The following ATP2B1 variants were observed in gnomAD, a reference collection of about 807,000 sequenced individuals.
ATP2B1 encodes the protein ATPase plasma membrane Ca2+ transporting 1, also known as plasma membrane calcium-transporting ATPase 1.
ATP2B1 carries 14 observed loss-of-function variants against 124.2 expected under a neutral mutation model. That is an observed-to-expected ratio of 0.11 (90% CI 0.07 to 0.18). The LOEUF (loss-of-function observed/expected upper bound fraction) is 0.18, where lower values mean the gene tolerates loss of function less well. Ranked by LOEUF, ATP2B1 falls within the 10% of genes least tolerant of loss-of-function variation. ATP2B1 has a pLI of 1.00. For missense variants in ATP2B1, 763 were observed against 1,466.1 expected, an observed-to-expected ratio of 0.52 and a Z score of 7.83; for synonymous variants, 449 against 492.4, an observed-to-expected ratio of 0.91 and a Z score of 1.17.
chr12:89,609,628 T>C (rs1421204689), intron 15 of ATP2B1, among the ~76,000 whole-genome samples: 2 of 152,178 alleles, frequency 1.3e-5, no homozygotes, highest in African/African-American at 4.8e-5. Context: ...GCCTGTGTCC[T>C]GCATTAAAGG....
chr12:89,683,104 A>T (rs1181956406), intron 1 of ATP2B1, among the ~76,000 whole-genome samples: 1 of 152,256 alleles, frequency 6.6e-6, no homozygotes, highest in African/African-American at 2.4e-5. Context: ...ATGCAAATTA[A>T]AACTATGCTG....
chr12:89,639,545 C>G (rs1222922265), intron 3 of ATP2B1, among the ~76,000 whole-genome samples: 1 of 149,510 alleles, frequency 6.7e-6, no homozygotes, highest in East Asian at 1.9e-4. Context: ...ATATATATAT[C>G]TGTCTCAATA....
chr12:89,706,880 G>A (rs1892515076), intron 1 of ATP2B1, among the ~76,000 whole-genome samples: 1 of 152,074 alleles, frequency 6.6e-6, no homozygotes, highest in African/African-American at 2.4e-5. Flanking sequence ...TTACACCCAA[G>A]CCAAAATCAG....
intron 1 of ATP2B1, among the ~76,000 whole-genome samples, chr12:89,664,699 T>G (rs1046852739): frequency 1.1e-4 from 17 of 152,126 alleles, no homozygotes; most frequent in Admixed American, 1.1e-3. Flanking sequence ...CAGATAACAG[T>G]GATGCCAATG....
At chr12:89,597,985 A>G (rs918622861) in intron 20 of ATP2B1, among the ~76,000 whole-genome samples, 1 of 147,744 alleles carries the variant, frequency 6.8e-6, no homozygotes, top group African/African-American at 2.5e-5. Flanking sequence ...TAAATACCAC[A>G]GAAACTTTTT....
Position 89,590,877 on chromosome 12 carries a change from G to T in ATP2B1, c.*107C>A. ...CATTCGTACAAGTGTGTCTTCTGTT[G>T]AAGTCCAAAGACAAGAATACTAGCT... is the stretch of plus-strand genomic sequence containing the variant. On this transcript the variant is annotated 3_prime_UTR_variant, in exon 21 of 21. Transcript: ENST00000428670. The T allele has an allele frequency of 3.8e-6, 4 of 1,051,266 alleles. No individual in the cohort carries two copies. Among genetic ancestry groups the T allele is most frequent in the South Asian group, 1.7e-5 (1 of 57,610 alleles). 65.1% of individuals were successfully genotyped at this position (1,051,266 alleles called of 1,614,324 possible). A position where few individuals can be genotyped will look rare whatever the true frequency, so the allele number is the denominator to read the frequency against.
At chr12:89,609,843 T>TA in intron 15 of ATP2B1, 94 bp downstream of exon 15, 2 of 1,172,744 alleles carry the variant, frequency 1.7e-6, no homozygotes, top group Non-Finnish European at 2.5e-6. Context: ...GGACAGTGTT[T>TA]AAAATCCATA....
At chr12:89,656,743 T>TTACC (rs1317788221) in intron 1 of ATP2B1, among the ~76,000 whole-genome samples, 2 of 152,228 alleles carry the variant, frequency 1.3e-5, no homozygotes, top group African/African-American at 4.8e-5. Flanking sequence ...TTGTCACATG[T>TTACC]TACCACCTCA....
Position 89,603,836 on chromosome 12 carries a change from A to T in ATP2B1, c.2724T>A (p.Thr908=). The T allele has an allele frequency of 6.2e-7, 1 of 1,614,146 alleles. No individual in the cohort carries two copies. Among genetic ancestry groups the T allele is most frequent in the Non-Finnish European group, 8.5e-7 (1 of 1,180,002 alleles). The part of the protein sequence containing the change: ...ASLALATEPP[T]ESLLLRKPYG... ...AAGGTTTCCGAAGCAAGAGAGACTC[A>T]GTGGGTGGTTCCGTTGCCAGAGCCA... Residue 908 remains threonine, a synonymous_variant, in exon 17 of 21, where the codon ACT becomes ACA. Coordinates refer to ENST00000428670, the MANE Select transcript of ATP2B1 (RefSeq NM_001366521.1). This position sits in a 1 kb window ranked among gnomAD's most constrained non-coding sequence, Gnocchi z 4.3.
At chr12:89,625,584 C>CAAAAAAAAAAAAAAAAAAAGGAAAAAAA (rs1880725620) in intron 8 of ATP2B1, among the ~76,000 whole-genome samples, 1 of 81,606 alleles carries the variant, frequency 1.2e-5, no homozygotes, top group African/African-American at 4.8e-5. Flanking sequence ...GACCCTGTCT[C>CAAAAAAAAAAAAAAAAAAAGGAAAAAAA]AAAAAAAAAA....
At chr12:89,691,189 A>G (rs990923403) in intron 1 of ATP2B1, among the ~76,000 whole-genome samples, 1 of 152,118 alleles carries the variant, frequency 6.6e-6, no homozygotes, top group Non-Finnish European at 1.5e-5. Flanking sequence ...GGAAAAAAAA[A>G]TCATCATCCT....
intron 20 of ATP2B1, among the ~76,000 whole-genome samples, chr12:89,596,390 G>C (rs1461746973): frequency 6.6e-6 from 1 of 152,000 alleles, no homozygotes; most frequent in African/African-American, 2.4e-5. Flanking sequence ...AATGAATACA[G>C]GTTGGAGACT....
In ATP2B1 at chr12:89,590,039, T is replaced by C. The variant is rs1873275348; in HGVS notation, c.*945A>G. ...AGACTAAGGTTCTCTTGTAGTTTGA[T>C]AGTCTGATTTAATTTGATTTGCCTG... On this transcript the variant is annotated 3_prime_UTR_variant, in exon 21 of 21. Transcript: ENST00000428670. 1.3e-5 allele frequency: 2 copies of C among 152,578 alleles called. No individual in the cohort carries two copies. The highest frequency in any genetic ancestry group is 4.8e-5 in the African/African-American group (2 of 41,452). 9.5% of individuals were successfully genotyped at this position (152,578 alleles called of 1,614,324 possible).
intron 1 of ATP2B1, among the ~76,000 whole-genome samples, chr12:89,669,050 T>G (rs1887623973): frequency 6.6e-6 from 1 of 152,238 alleles, no homozygotes; most frequent in South Asian, 2.1e-4. Flanking sequence ...ACACTCAGTA[T>G]GTACTGCATT....
intron 3 of ATP2B1, among the ~76,000 whole-genome samples, chr12:89,636,812 C>T (rs1882784500): frequency 6.6e-6 from 1 of 152,180 alleles, no homozygotes; most frequent in South Asian, 2.1e-4. Context: ...TCCAACAGAA[C>T]CCCCTCCAAC....
At chr12:89,662,886 T>C (rs759510551) in intron 1 of ATP2B1, among the ~76,000 whole-genome samples, 2 of 152,068 alleles carry the variant, frequency 1.3e-5, no homozygotes, top group African/African-American at 4.8e-5. Context: ...ATGAACACTT[T>C]AGCAAATCTC....
chr12:89,596,983 A>G (rs1275965523), intron 20 of ATP2B1, among the ~76,000 whole-genome samples: 4 of 152,018 alleles, frequency 2.6e-5, no homozygotes, highest in African/African-American at 9.7e-5. Flanking sequence ...CCTTCAGGCA[A>G]TTTTTCTTGA....
intron 1 of ATP2B1, among the ~76,000 whole-genome samples, chr12:89,703,434 G>A (rs568451902): frequency 4.6e-5 from 7 of 152,272 alleles, no homozygotes; most frequent in Middle Eastern, 6.8e-3. Flanking sequence ...GTTTTTGAAA[G>A]AGCAACTGCT....
chr12:89,692,657 GT>G (rs1461720290), intron 1 of ATP2B1, among the ~76,000 whole-genome samples: 2 of 152,134 alleles, frequency 1.3e-5, no homozygotes. Context: ...TTTTATGATT[GT>G]TTTTGAACTT....
Sources: allele counts gnomAD v4.1 joint callset (sites outside exome capture counted in the v4.1 genomes callset), GRCh38; gene constraint gnomAD v4.1.1; non-coding constraint Gnocchi (gnomAD v3.1); transcripts MANE v1.5; gene names NCBI Gene and HGNC (gene_info 2026-07-23, HGNC 2026-07-21).